Variants in COL4A4 observed in about 807,000 individuals in gnomAD.
COL4A4 encodes the protein collagen type IV alpha 4 chain, also known as collagen alpha-4(IV) chain.
Under a neutral mutation model 192.9 loss-of-function variants are expected in COL4A4, and 105 were observed. The ratio of observed to expected loss-of-function variants is 0.54; its 90% CI spans 0.46 to 0.64. The LOEUF (loss-of-function observed/expected upper bound fraction) is 0.64. COL4A4 is among the 30% of genes least tolerant of loss of function. The pLI is 0.00. For missense variants in COL4A4, 1,967 were observed against 2,169.3 expected, an observed-to-expected ratio of 0.91 and a Z score of 1.85; for synonymous variants, 762 against 769.9, an observed-to-expected ratio of 0.99 and a Z score of 0.17.
rs547103060 is a variant in COL4A4 at position 227,154,396 on chromosome 2, G to A, written c.-101-6812C>T. On this transcript the variant is annotated intron_variant, in intron 1 of 47. Transcript: ENST00000396625. ...ACCCTGCTGGGGTTCTCATCGAATG[G>A]GGGAGGAGAAATGTCTAAGATTGGG... Among the ~76,000 whole-genome samples the A allele has an allele frequency of 5.9e-5, 9 of 152,264 alleles. No individual in the cohort carries two copies. In the South Asian group the frequency reaches 1.5e-3, roughly 25 times the overall value.
intron 41 of COL4A4, among the ~76,000 whole-genome samples, chr2:227,029,442 C>T (rs112865331): frequency 0.01 from 1,571 of 152,338 alleles, 35 homozygotes; most frequent in African/African-American, 0.036. Flanking sequence ...TTGCTCCATA[C>T]TGTTCTACAG....
chr2:227,134,869 C>G (rs1177141334), intron 4 of COL4A4, among the ~76,000 whole-genome samples: 1 of 152,182 alleles, frequency 6.6e-6, no homozygotes, highest in Non-Finnish European at 1.5e-5. Context: ...GTTAATTTTG[C>G]AATTGTTATA....
chr2:227,015,241 C>A (rs1481670903), intron 44 of COL4A4, among the ~76,000 whole-genome samples: 2 of 152,162 alleles, frequency 1.3e-5, no homozygotes, highest in African/African-American at 4.8e-5. Flanking sequence ...TACACTATTT[C>A]TTCATGATAA....
chr2:227,145,515 C>T (rs375194517), intron 2 of COL4A4, among the ~76,000 whole-genome samples: 1 of 152,190 alleles, frequency 6.6e-6, no homozygotes, highest in African/African-American at 2.4e-5. Context: ...TGTCAAACAG[C>T]TTCTGGATCC....
intron 20 of COL4A4, among the ~76,000 whole-genome samples, chr2:227,090,413 C>T (rs1314435466): frequency 6.6e-6 from 1 of 152,108 alleles, no homozygotes; most frequent in East Asian, 1.9e-4. Context: ...AACAGTTTGG[C>T]ATCCTCCCCA....
At chr2:227,072,542 T>C (rs1252430765) in intron 25 of COL4A4, among the ~76,000 whole-genome samples, 2 of 151,866 alleles carry the variant, frequency 1.3e-5, no homozygotes, top group East Asian at 3.9e-4. Context: ...GCATCCTCCC[T>C]AAATCATTCT....
chr2:227,146,820 G>C (rs779218799), intron 2 of COL4A4, among the ~76,000 whole-genome samples: 2 of 152,124 alleles, frequency 1.3e-5, no homozygotes, highest in Non-Finnish European at 2.9e-5. Flanking sequence ...TGTTTTTGTA[G>C]TCAAAGCTCC....
the COL4A4 span, among the ~76,000 whole-genome samples, chr2:226,986,452 A>C: frequency 4.2e-3 from 647 of 152,340 alleles, 3 homozygotes; most frequent in African/African-American, 0.014. Context: ...ATTTAAAATT[A>C]TTCCAAAATA....
At chr2:227,104,294 G>T in intron 12 of COL4A4, 1 of 435,276 alleles carries the variant, frequency 2.3e-6, no homozygotes, top group Non-Finnish European at 4.2e-6. Context: ...TCCAGGGCCA[G>T]GCGCGGTGGC....
At chr2:227,009,625 G>A (rs572284561) in intron 46 of COL4A4, among the ~76,000 whole-genome samples, 2 of 152,038 alleles carry the variant, frequency 1.3e-5, no homozygotes, top group African/African-American at 4.8e-5. Context: ...TCGAACCCTG[G>A]AGGTGGAGGT....
chr2:227,086,409 C>A (rs536418998), intron 22 of COL4A4, among the ~76,000 whole-genome samples: 1 of 152,134 alleles, frequency 6.6e-6, no homozygotes, highest in South Asian at 2.1e-4. Context: ...TTCCCTCCTT[C>A]CTTTCCTTTC....
At chr2:227,024,079 C>T (rs1966557611) in intron 43 of COL4A4, among the ~76,000 whole-genome samples, 1 of 152,050 alleles carries the variant, frequency 6.6e-6, no homozygotes, top group African/African-American at 2.4e-5. Context: ...TGTGGTGACA[C>T]AGCTTACACA....
chr2:227,163,630 C>T (rs2065036340), intron 1 of COL4A4, among the ~76,000 whole-genome samples: 2 of 152,222 alleles, frequency 1.3e-5, no homozygotes, highest in African/African-American at 4.8e-5. Context: ...AGGAAGAGCG[C>T]ACCCTGACCA....
intron 5 of COL4A4, 134 bp from the exon 6 acceptor site, chr2:227,120,073 G>T: frequency 1.7e-6 from 1 of 598,478 alleles, no homozygotes; most frequent in East Asian, 3.4e-5. Context: ...TTTACATGAT[G>T]AGTCTAAAAG....
intron 1 of COL4A4, among the ~76,000 whole-genome samples, chr2:227,153,415 T>G (rs1302279815): frequency 6.6e-6 from 1 of 152,182 alleles, no homozygotes; most frequent in East Asian, 1.9e-4. Context: ...AAGGGAGCAT[T>G]CTCTACAGTT....
At chr2:227,105,542 T>C (rs1006613595) in intron 12 of COL4A4, among the ~76,000 whole-genome samples, 3 of 152,228 alleles carry the variant, frequency 2.0e-5, no homozygotes, top group Non-Finnish European at 2.9e-5. Flanking sequence ...TTCAATAATA[T>C]TTTAAAACTG....
chr2:227,034,144 T>C (rs781048314), intron 37 of COL4A4, among the ~76,000 whole-genome samples: 2 of 152,230 alleles, frequency 1.3e-5, no homozygotes, highest in African/African-American at 2.4e-5. Context: ...ATTACCCCAC[T>C]GATGCCTGTG....
intron 25 of COL4A4, among the ~76,000 whole-genome samples, chr2:227,066,397 T>G (rs1042087367): frequency 2.0e-5 from 3 of 151,236 alleles, no homozygotes; most frequent in Non-Finnish European, 4.4e-5. Flanking sequence ...GAAGAGCAAC[T>G]CCAAGACACA....
intron 19 of COL4A4, 32 bp downstream of exon 19, chr2:227,098,662 G>A (rs866236233): frequency 3.2e-6 from 5 of 1,562,748 alleles, no homozygotes; most frequent in Middle Eastern, 1.7e-4. Flanking sequence ...AATCTGACCT[G>A]TAAAAGCCAG....
Sources: allele counts gnomAD v4.1 joint callset (sites outside exome capture counted in the v4.1 genomes callset), GRCh38; gene constraint gnomAD v4.1.1; transcripts MANE v1.5; gene names NCBI Gene and HGNC (gene_info 2026-07-23, HGNC 2026-07-21).